The following ROCK2 variants were observed in gnomAD, a reference collection of about 807,000 sequenced individuals.
ROCK2 encodes Rho associated coiled-coil containing protein kinase 2.
A neutral mutation model predicts 195.1 loss-of-function variants in ROCK2; 61 were observed. The ratio of observed to expected loss-of-function variants is 0.31; its 90% CI spans 0.25 to 0.39. The LOEUF (loss-of-function observed/expected upper bound fraction) is 0.39. ROCK2 is among the 10% of genes least tolerant of loss of function. ROCK2 has a pLI of 1.00. For synonymous variants in ROCK2, 504 were observed against 545.5 expected, an observed-to-expected ratio of 0.92 and a Z score of 1.06; for missense variants, 1,109 against 1,637.4, an observed-to-expected ratio of 0.68 and a Z score of 5.57.
intron 1 of ROCK2, among the ~76,000 whole-genome samples, chr2:11,323,154 C>A (rs72789539): frequency 0.042 from 6,453 of 152,154 alleles, 271 homozygotes; most frequent in Non-Finnish European, 0.06. Flanking sequence ...CCAGCTTGTC[C>A]AAATAGCTAA....
chr2:11,239,183 A>G (rs1027811087), intron 4 of ROCK2, among the ~76,000 whole-genome samples: 3 of 152,160 alleles, frequency 2.0e-5, no homozygotes, highest in African/African-American at 7.2e-5. Flanking sequence ...TAACACCAAA[A>G]ACGCAACTGA....
intron 1 of ROCK2, among the ~76,000 whole-genome samples, chr2:11,339,153 TAATTA>T (rs1303460864): frequency 1.3e-5 from 2 of 152,218 alleles, no homozygotes; most frequent in African/African-American, 4.8e-5. Context: ...GAACTCTTCT[TAATTA>T]AATACATACT....
intron 1 of ROCK2, among the ~76,000 whole-genome samples, chr2:11,330,389 TAACTCTAA>T (rs1480626065): frequency 6.6e-6 from 1 of 152,192 alleles, no homozygotes; most frequent in Non-Finnish European, 1.5e-5. Context: ...CCACAAACTA[TAACTCTAA>T]AACAACAAAG....
chr2:11,257,237 C>T (rs1388696778), intron 3 of ROCK2, among the ~76,000 whole-genome samples: 8 of 150,088 alleles, frequency 5.3e-5, no homozygotes, highest in African/African-American at 7.5e-5. Context: ...ATCAAAAGGC[C>T]GAACGCCTCA....
intron 10 of ROCK2, among the ~76,000 whole-genome samples, chr2:11,218,675 T>A: frequency 6.6e-6 from 1 of 152,220 alleles, no homozygotes; most frequent in East Asian, 1.9e-4. Flanking sequence ...ATTATAGAAG[T>A]CAATTTTCTA....
At chr2:11,293,265 A>G (rs905976135) in intron 1 of ROCK2, among the ~76,000 whole-genome samples, 1 of 152,216 alleles carries the variant, frequency 6.6e-6, no homozygotes, top group Non-Finnish European at 1.5e-5. Flanking sequence ...CTGAGAATTT[A>G]GCAACTCAGA....
In ROCK2 at chr2:11,317,618, T is replaced by A. The variant is rs1330660177; in HGVS notation, c.141+26378A>T. ...TATATATATATATATATATATTTTTTTTTTTTTTTAATTATACTTTAAGTT... is the reference window on the plus strand; with the variant it reads ...TATATATATATATATATATATTTTTATTTTTTTTTAATTATACTTTAAGTT... On this transcript the variant is annotated intron_variant, in intron 1 of 32. Transcript: ENST00000315872. Among the ~76,000 whole-genome samples the A allele has an allele frequency of 4.3e-3, 133 of 31,216 alleles. 3 individuals carry two copies. Among genetic ancestry groups the A allele is most frequent in the Middle Eastern group, 0.012 (1 of 86 alleles). 20.5% of individuals were successfully genotyped at this position (31,216 alleles called of 152,430 possible).
At chr2:11,330,740 G>GGGAGGAGGAGGGGAGGA (rs148690962) in intron 1 of ROCK2, among the ~76,000 whole-genome samples, 1 of 43,260 alleles carries the variant, frequency 2.3e-5, no homozygotes, top group African/African-American at 7.2e-5. Flanking sequence ...AAGATGAGGA[G>GGGAGGAGGAGGGGAGGA]GGAGGAGGGA....
chr2:11,253,303 T>C (rs1302313061), intron 3 of ROCK2, among the ~76,000 whole-genome samples: 2 of 152,188 alleles, frequency 1.3e-5, no homozygotes, highest in African/African-American at 2.4e-5. Flanking sequence ...ACACTTATCT[T>C]CTCTCAGTTC....
At chr2:11,313,844 T>C (rs1399126683) in intron 1 of ROCK2, among the ~76,000 whole-genome samples, 2 of 151,888 alleles carry the variant, frequency 1.3e-5, no homozygotes, top group African/African-American at 4.8e-5. Flanking sequence ...TAATTTTTCC[T>C]CTCAAATATT....
chr2:11,256,349 C>T (rs952900799), intron 3 of ROCK2, among the ~76,000 whole-genome samples: 2 of 151,076 alleles, frequency 1.3e-5, no homozygotes, highest in Non-Finnish European at 2.9e-5. Context: ...AAGTATATGG[C>T]ATTCTCCCTC....
At chr2:11,291,418 C>T (rs1199650395) in intron 1 of ROCK2, among the ~76,000 whole-genome samples, 1 of 152,156 alleles carries the variant, frequency 6.6e-6, no homozygotes, top group East Asian at 1.9e-4. Context: ...CGCGTGGTGG[C>T]GCAAGCCTGT....
At chr2:11,204,128 G>C (rs1331539862) in intron 20 of ROCK2, among the ~76,000 whole-genome samples, 1 of 152,144 alleles carries the variant, frequency 6.6e-6, no homozygotes, top group Admixed American at 6.5e-5. Flanking sequence ...TATTCGCCTA[G>C]AAGAAATAAC....
At chr2:11,281,480 A>G (rs193105766) in intron 3 of ROCK2, among the ~76,000 whole-genome samples, 1 of 152,306 alleles carries the variant, frequency 6.6e-6, no homozygotes, top group African/African-American at 2.4e-5. Flanking sequence ...GAGGATTCGA[A>G]AGTTTCCTGG....
chr2:11,340,372 A>C (rs1307145642), intron 1 of ROCK2, among the ~76,000 whole-genome samples: 1 of 152,224 alleles, frequency 6.6e-6, no homozygotes, highest in Non-Finnish European at 1.5e-5. Flanking sequence ...GGTTTTTTAT[A>C]TATCAAAATT....
chr2:11,193,792 G>T lies in ROCK2; in HGVS notation c.3674C>A (p.Pro1225Gln). 1 of 1,583,364 alleles carries T rather than the reference G, an allele frequency of 6.3e-7. No individual in the cohort carries two copies. The highest frequency in any genetic ancestry group is 1.1e-5 in the South Asian group (1 of 87,112). ...DVYRADAKEI[P>Q]RIFQILYANE... The stretch of plus-strand genomic sequence containing the variant: ...AACTATGTTTACCTGGAATATCCTT[G>T]GAATTTCTTTAGCATCTGCTCTATA... Residue 1225 changes from proline to glutamine, a missense_variant, in exon 30 of 33, where the codon CCA becomes CAA. Transcript: ENST00000315872.
chr2:11,344,193 G>A lies in ROCK2; in HGVS notation c.-57C>T, dbSNP rs1284731069. On this transcript the variant is annotated 5_prime_UTR_variant, in exon 1 of 33. Coordinates refer to ENST00000315872, the MANE Select transcript of ROCK2 (RefSeq NM_004850.5). This position sits in a 1 kb window ranked among gnomAD's most constrained non-coding sequence, Gnocchi z 5.4. ...TCGCGCTCAGGTCCCGCAGCCTCGG[G>A]GCCTAGCACCGCCCCCGAACCACCA... The A allele has an allele frequency of 2.1e-5, 29 of 1,356,292 alleles. No individual in the cohort carries two copies. The highest frequency in any genetic ancestry group is 2.6e-5 in the Non-Finnish European group (28 of 1,057,790). The allele number at this position is 1,356,292 out of a possible 1,614,324, so 84.0% of individuals were successfully genotyped here.
chr2:11,308,906 T>C (rs563758220), intron 1 of ROCK2: 1 of 1,611,908 alleles, frequency 6.2e-7, no homozygotes, highest in East Asian at 2.2e-5. Context: ...GAAACCACTT[T>C]ATCTTCATCT....
intron 4 of ROCK2, among the ~76,000 whole-genome samples, chr2:11,248,707 T>C (rs1461357220): frequency 1.2e-4 from 1 of 8,280 alleles, no homozygotes. Flanking sequence ...AGACTTCATC[T>C]CAAAAAAAAA....
Sources: gnomAD v4.1 joint callset for allele counts (sites outside exome capture counted in the v4.1 genomes callset) on GRCh38, gnomAD v4.1.1 for gene constraint, Gnocchi (gnomAD v3.1) non-coding constraint, MANE v1.5 for transcripts, NCBI Gene and HGNC (gene_info 2026-07-23, HGNC 2026-07-21) for gene names.